Variants in ATE1 observed in about 807,000 individuals in gnomAD.
ATE1 encodes the protein arginyl-tRNA--protein transferase 1.
A neutral mutation model predicts 70.5 loss-of-function variants in ATE1; 36 were observed. That is an observed-to-expected ratio of 0.51 (90% CI 0.39 to 0.67). ATE1 has a LOEUF of 0.67. Among genes scored for constraint, ATE1 ranks in the 30% least tolerant of loss-of-function variants. The pLI is 0.00. For synonymous variants in ATE1, 232 were observed against 219.3 expected, an observed-to-expected ratio of 1.06 and a Z score of -0.51; for missense variants, 593 against 629.5, an observed-to-expected ratio of 0.94 and a Z score of 0.62.
intron 7 of ATE1, among the ~76,000 whole-genome samples, chr10:121,874,823 G>A (rs1477116207): frequency 2.6e-5 from 4 of 151,918 alleles, no homozygotes; most frequent in Middle Eastern, 6.8e-3. Context: ...GGCTAACACG[G>A]TGAAACCCCG....
intron 7 of ATE1, among the ~76,000 whole-genome samples, chr10:121,874,442 CA>C (rs1200627666): frequency 6.6e-6 from 1 of 152,104 alleles, no homozygotes; most frequent in Admixed American, 6.5e-5. Context: ...TCAAAGCAGC[CA>C]AAAGACACAG....
chr10:121,746,424 T>C (rs1349022847), intron 11 of ATE1, among the ~76,000 whole-genome samples: 5 of 152,220 alleles, frequency 3.3e-5, no homozygotes, highest in Admixed American at 6.5e-5. Flanking sequence ...TCTTTTTTTA[T>C]ATTCTACAAG....
intron 3 of ATE1, among the ~76,000 whole-genome samples, chr10:121,914,471 T>C (rs1392835442): frequency 6.6e-6 from 1 of 151,562 alleles, no homozygotes; most frequent in African/African-American, 2.4e-5. Context: ...AATGCTGTTT[T>C]AACAGACCAA....
At chr10:121,769,408 C>CT (rs1945409686) in intron 11 of ATE1, among the ~76,000 whole-genome samples, 3 of 152,020 alleles carry the variant, frequency 2.0e-5, no homozygotes, top group Non-Finnish European at 4.4e-5. Context: ...ATGGATGGAT[C>CT]ATAGATTTAA....
intron 11 of ATE1, among the ~76,000 whole-genome samples, chr10:121,776,559 G>A (rs1945751239): frequency 6.6e-6 from 1 of 152,178 alleles, no homozygotes; most frequent in Non-Finnish European, 1.5e-5. Flanking sequence ...AGTTCTCCCA[G>A]GCTAGTGTTT....
intron 11 of ATE1, among the ~76,000 whole-genome samples, chr10:121,767,038 TA>T (rs1945306304): frequency 6.6e-6 from 1 of 152,132 alleles, no homozygotes; most frequent in African/African-American, 2.4e-5. Flanking sequence ...AACAAAATAC[TA>T]GAAAACAGAA....
chr10:121,855,859 A>C (rs190467480), intron 8 of ATE1, among the ~76,000 whole-genome samples: 1 of 151,516 alleles, frequency 6.6e-6, no homozygotes, highest in Non-Finnish European at 1.5e-5. Context: ...AGGATCACCT[A>C]AGGTCAGGAG....
chr10:121,904,858 T>C (rs1357738521), intron 5 of ATE1, among the ~76,000 whole-genome samples: 1 of 152,180 alleles, frequency 6.6e-6, no homozygotes, highest in East Asian at 1.9e-4. Flanking sequence ...GTTCAGACTG[T>C]ATCACAACTT....
chr10:121,900,197 C>T (rs961441937), intron 6 of ATE1, among the ~76,000 whole-genome samples: 1 of 152,086 alleles, frequency 6.6e-6, no homozygotes, highest in East Asian at 1.9e-4. Context: ...AAGAAGAGGA[C>T]GATCCCCTCT....
intron 11 of ATE1, among the ~76,000 whole-genome samples, chr10:121,767,455 C>A (rs1181656307): frequency 6.6e-6 from 1 of 151,782 alleles, no homozygotes; most frequent in Non-Finnish European, 1.5e-5. Context: ...AAAACCATTT[C>A]TATTTGCAGA....
At chr10:121,765,378 T>G (rs921957639) in intron 11 of ATE1, among the ~76,000 whole-genome samples, 11 of 152,236 alleles carry the variant, frequency 7.2e-5, no homozygotes, top group African/African-American at 2.2e-4. Context: ...TCAATTCCAC[T>G]GCAGTGATTC....
intron 6 of ATE1, 80 bp downstream of exon 6, chr10:121,902,311 G>T: frequency 8.0e-7 from 1 of 1,249,734 alleles, no homozygotes; most frequent in Non-Finnish European, 1.1e-6. Context: ...CAACTAATTA[G>T]AACTTCAAAT....
intron 10 of ATE1, among the ~76,000 whole-genome samples, chr10:121,810,557 A>G (rs1048421458): frequency 3.3e-5 from 5 of 152,144 alleles, no homozygotes; most frequent in African/African-American, 9.7e-5. Context: ...GGCGTGAGAC[A>G]CCGCGCCCGG....
intron 7 of ATE1, among the ~76,000 whole-genome samples, chr10:121,896,823 C>CAAAAAAAAA (rs869156572): frequency 3.5e-5 from 1 of 28,354 alleles, no homozygotes; most frequent in Non-Finnish European, 5.8e-5. Context: ...GACTTTGTCT[C>CAAAAAAAAA]AAAAAAAAAA....
chr10:121,809,906 A>AC (rs927429927), intron 10 of ATE1, among the ~76,000 whole-genome samples: 82 of 152,178 alleles, frequency 5.4e-4, no homozygotes, highest in Middle Eastern at 3.4e-3. Context: ...ACAAAACAAA[A>AC]AAAAAAACAA....
chr10:121,776,609 T>C (rs917063332), intron 11 of ATE1, among the ~76,000 whole-genome samples: 2 of 152,250 alleles, frequency 1.3e-5, no homozygotes, highest in Non-Finnish European at 2.9e-5. Context: ...ATTCATGTAA[T>C]GGGTTGTGAC....
chr10:121,772,720 C>T (rs1478457003), intron 11 of ATE1, among the ~76,000 whole-genome samples: 3 of 152,168 alleles, frequency 2.0e-5, no homozygotes, highest in Non-Finnish European at 4.4e-5. Flanking sequence ...TGGGCCCAAA[C>T]CAGATAGTAA....
intron 10 of ATE1, among the ~76,000 whole-genome samples, chr10:121,811,541 C>T (rs1025954408): frequency 2.6e-5 from 4 of 152,284 alleles, no homozygotes; most frequent in Non-Finnish European, 2.9e-5. Flanking sequence ...ACTTGGAATA[C>T]TAACTGAAGG....
chr10:121,763,540 T>C (rs1016306560), intron 11 of ATE1, among the ~76,000 whole-genome samples: 10 of 152,186 alleles, frequency 6.6e-5, no homozygotes, highest in African/African-American at 2.4e-4. Flanking sequence ...TATGACATTC[T>C]GGAAAAGGTA....
Sources: allele counts gnomAD v4.1 joint callset (sites outside exome capture counted in the v4.1 genomes callset), GRCh38; gene constraint gnomAD v4.1.1; transcripts MANE v1.5; gene names NCBI Gene and HGNC (gene_info 2026-07-23, HGNC 2026-07-21).